Variants in PRKG1 observed in about 807,000 individuals in gnomAD.
PRKG1 encodes the protein protein kinase cGMP-dependent 1, also known as cGMP-dependent protein kinase 1.
PRKG1 carries 35 observed loss-of-function variants against 88.1 expected under a neutral mutation model. The ratio of observed to expected loss-of-function variants is 0.40; its 90% CI spans 0.30 to 0.53. The LOEUF (loss-of-function observed/expected upper bound fraction) is 0.53. Among genes scored for constraint, PRKG1 ranks in the 20% least tolerant of loss-of-function variants. PRKG1 has a pLI of 0.59. For missense variants in PRKG1, 540 were observed against 839.8 expected, an observed-to-expected ratio of 0.64 and a Z score of 4.41; for synonymous variants, 303 against 292.5, an observed-to-expected ratio of 1.04 and a Z score of -0.37.
At chr10:52,052,254 T>C (rs1271167170) in intron 5 of PRKG1, among the ~76,000 whole-genome samples, 3 of 151,818 alleles carry the variant, frequency 2.0e-5, no homozygotes, top group Non-Finnish European at 2.9e-5. Flanking sequence ...TCAATGCCTA[T>C]AAAAAGGCCT....
intron 4 of PRKG1, among the ~76,000 whole-genome samples, chr10:51,907,104 C>T (rs1842102602): frequency 6.6e-6 from 1 of 152,102 alleles, no homozygotes; most frequent in African/African-American, 2.4e-5. Flanking sequence ...CCCATCATGG[C>T]CTGAACTAGT....
chr10:52,085,344 G>A (rs1382782466), intron 7 of PRKG1, among the ~76,000 whole-genome samples: 1 of 151,522 alleles, frequency 6.6e-6, no homozygotes, highest in African/African-American at 2.4e-5. Flanking sequence ...ACTGCAAAAG[G>A]ACGATTTTCT....
intron 5 of PRKG1, among the ~76,000 whole-genome samples, chr10:51,978,239 T>C (rs932239454): frequency 1.3e-5 from 2 of 152,072 alleles, no homozygotes; most frequent in African/African-American, 4.8e-5. Context: ...TTGCTTGTTT[T>C]TGTCAGCTTT....
At chr10:52,007,832 A>G (rs527697523) in intron 5 of PRKG1, among the ~76,000 whole-genome samples, 3 of 152,306 alleles carry the variant, frequency 2.0e-5, no homozygotes, top group East Asian at 3.9e-4. Context: ...CATTCTTTTC[A>G]TCACATGGTA....
chr10:51,781,219 A>G (rs79112005), intron 3 of PRKG1, among the ~76,000 whole-genome samples: 3 of 152,174 alleles, frequency 2.0e-5, no homozygotes, highest in Non-Finnish European at 4.4e-5. Flanking sequence ...AAACAAAAAC[A>G]AAAGCAAAAA....
intron 3 of PRKG1, among the ~76,000 whole-genome samples, chr10:51,796,043 A>C (rs1839002320): frequency 6.6e-6 from 1 of 152,122 alleles, no homozygotes; most frequent in Non-Finnish European, 1.5e-5. Context: ...CTCCTAATAG[A>C]GATTATGACG....
intron 9 of PRKG1, among the ~76,000 whole-genome samples, chr10:52,189,807 A>T (rs1304955476): frequency 6.6e-6 from 1 of 152,224 alleles, no homozygotes; most frequent in Non-Finnish European, 1.5e-5. Context: ...ATCAGGTTGT[A>T]ATATTTGCAT....
At chr10:51,652,438 A>G (rs1280585660) in intron 3 of PRKG1, among the ~76,000 whole-genome samples, 2 of 152,128 alleles carry the variant, frequency 1.3e-5, no homozygotes, top group South Asian at 4.1e-4. Flanking sequence ...CAAGTTTAGC[A>G]TCTCTTAAAT....
chr10:51,800,152 C>T (rs2132602281), intron 3 of PRKG1, among the ~76,000 whole-genome samples: 1 of 152,066 alleles, frequency 6.6e-6, no homozygotes, highest in Non-Finnish European at 1.5e-5. Flanking sequence ...TTTTTATAAT[C>T]ATAGGAAGAA....
At chr10:51,449,270 GTTCC>G (rs1321254968) in intron 2 of PRKG1, among the ~76,000 whole-genome samples, 1 of 151,798 alleles carries the variant, frequency 6.6e-6, no homozygotes, top group African/African-American at 2.4e-5. Context: ...AAATAGTTCA[GTTCC>G]TTTCGTGTTT....
chr10:51,255,909 G>A (rs535988129), intron 2 of PRKG1, among the ~76,000 whole-genome samples: 3 of 152,144 alleles, frequency 2.0e-5, no homozygotes, highest in South Asian at 4.1e-4. Flanking sequence ...ATAATCATCC[G>A]TCATAGCCAC....
intron 2 of PRKG1, among the ~76,000 whole-genome samples, chr10:51,283,559 A>G (rs1298010653): frequency 6.6e-6 from 1 of 152,098 alleles, no homozygotes; most frequent in Non-Finnish European, 1.5e-5. Context: ...TGTGTGAGTA[A>G]ATTAAAGATT....
At chr10:51,910,013 G>A (rs7923342) in intron 5 of PRKG1, 113,877 of 151,818 alleles carry the variant, frequency 0.75, 43,214 homozygotes, top group African/African-American at 0.87. Context: ...CAGGTGGGTG[G>A]ATTGATGTAA....
chr10:51,602,915 C>G lies in PRKG1; in HGVS notation c.592+135079C>G, dbSNP rs113532055. Among the ~76,000 whole-genome samples the G allele has an allele frequency of 4.7e-3, 717 of 151,904 alleles. 8 individuals carry two copies. Among genetic ancestry groups the G allele is most frequent in the African/African-American group, 0.015 (603 of 41,406 alleles). On this transcript the variant is annotated intron_variant, in intron 3 of 17. Coordinates refer to ENST00000373980, the MANE Select transcript of PRKG1 (RefSeq NM_006258.4). The stretch of plus-strand genomic sequence containing the variant: ...GTGAGTCTTCTTGTACCCCCTCCCC[C>G]CAAAAAATTTTATGGGCTGCCTTTA...
At chr10:51,597,983 C>G (rs575477787) in intron 3 of PRKG1, among the ~76,000 whole-genome samples, 1 of 152,206 alleles carries the variant, frequency 6.6e-6, no homozygotes, top group Admixed American at 6.5e-5. Context: ...AGATATATCC[C>G]TAAAACCTTA....
intron 3 of PRKG1, among the ~76,000 whole-genome samples, chr10:51,520,851 A>T (rs887759522): frequency 6.6e-6 from 1 of 152,224 alleles, no homozygotes; most frequent in African/African-American, 2.4e-5. Flanking sequence ...TAGTACTTGG[A>T]TGTATTACTT....
At chr10:51,884,632 G>A (rs1841524532) in intron 4 of PRKG1, among the ~76,000 whole-genome samples, 1 of 151,956 alleles carries the variant, frequency 6.6e-6, no homozygotes, top group South Asian at 2.1e-4. Context: ...TCCATACATT[G>A]TAGCTGAGGC....
rs117479708 is a variant in PRKG1, at chr10:51,585,948, A to G, written c.592+118112A>G. 3.6e-3 allele frequency among the ~76,000 whole-genome samples: 552 copies of G among 152,212 alleles called. 2 individuals are homozygous for G. Among genetic ancestry groups the G allele is most frequent in the Non-Finnish European group, 6.1e-3 (415 of 68,004 alleles). The stretch of plus-strand genomic sequence containing the variant: ...ACGGGTACACATGGCCGTAAAGATA[A>G]GAACGCTAGACACTGGGGACTAGTA... On this transcript the variant is annotated intron_variant, in intron 3 of 17. Coordinates refer to ENST00000373980, the MANE Select transcript of PRKG1 (RefSeq NM_006258.4).
chr10:51,065,741 G>A (rs1048784887), intron 1 of PRKG1, among the ~76,000 whole-genome samples: 1 of 152,054 alleles, frequency 6.6e-6, no homozygotes, highest in Admixed American at 6.6e-5. Flanking sequence ...CCAGTATAGT[G>A]AGCGCCTTCC....
Sources: gnomAD v4.1 joint callset for allele counts (sites outside exome capture counted in the v4.1 genomes callset) on GRCh38, gnomAD v4.1.1 for gene constraint, MANE v1.5 for transcripts, NCBI Gene and HGNC (gene_info 2026-07-23, HGNC 2026-07-21) for gene names.